The following OASL variants were observed in gnomAD, a reference collection of about 807,000 sequenced individuals.
OASL encodes 2'-5'-oligoadenylate synthase-like protein.
A neutral mutation model predicts 35.3 loss-of-function variants in OASL; 28 were observed. That is an observed-to-expected ratio of 0.79 (90% confidence interval 0.59 to 1.09). OASL has a LOEUF of 1.09. Among genes scored for constraint, OASL ranks in the 50% least tolerant of loss-of-function variants. OASL has a pLI of 0.00. For missense variants in OASL, 620 were observed against 635.2 expected (o/e 0.98, Z 0.26); for synonymous variants, 252 against 254.6 (o/e 0.99, Z 0.10).
chr12:121,037,819 T>TG (rs1870016057), intron 1 of OASL, among the ~76,000 whole-genome samples: 1 of 135,980 alleles, frequency 7.4e-6, no homozygotes, highest in Non-Finnish European at 1.6e-5. Flanking sequence ...CGGCCAGACA[T>TG]GGTGGCTCAC....
intron 1 of OASL, among the ~76,000 whole-genome samples, chr12:121,037,980 C>G (rs1226704290): frequency 6.6e-6 from 1 of 150,726 alleles, no homozygotes; most frequent in African/African-American, 2.4e-5. Context: ...TAATCCCAAG[C>G]TATTTAGGAG....
At chr12:121,025,971 G>A (rs909750806) in intron 4 of OASL, among the ~76,000 whole-genome samples, 1 of 152,084 alleles carries the variant, frequency 6.6e-6, no homozygotes, top group African/African-American at 2.4e-5. Context: ...CCTATGGGGT[G>A]GGGTCACTGA....
At position 121,031,428 on chromosome 12, in the gene OASL, G is replaced by T; in HGVS notation, c.657+14C>A. 6.2e-7 allele frequency: 1 copy of T among 1,610,832 alleles called. No individual in the cohort carries two copies. The highest frequency in any genetic ancestry group is 1.1e-5 in the South Asian group (1 of 90,970). On this transcript the variant is annotated intron_variant, in intron 3 of 5. Transcript: ENST00000257570. ...TCCCTCTCCTTGCCCCTGCCATCCT[G>T]GCAGCCCCCTCACCTGCTGGTACCA...
rs568021090 is a variant in OASL, at chr12:121,031,766, T to G, written c.482-149A>C. On this transcript the variant is annotated intron_variant, in intron 2 of 5. Transcript: ENST00000257570. ...TATCTTCAGAAACCAAAGGTTTGCC[T>G]TGTCTAATTGTCCTTTTTGTGAAAT... 6.4e-6 allele frequency: 4 copies of G among 626,648 alleles called. No individual in the cohort carries two copies. The Admixed American group carries it at 1.2e-4, about 18-fold the overall frequency. 38.8% of individuals were successfully genotyped at this position (626,648 alleles called of 1,614,324 possible).
At chr12:121,020,449 G>A (rs1232130722) in exon 6 of OASL, 3 of 1,174,484 alleles carry the variant, frequency 2.6e-6, no homozygotes, top group East Asian at 2.4e-5. Context: ...ATAACTCATT[G>A]TAAAACTGGT....
intron 3 of OASL, among the ~76,000 whole-genome samples, chr12:121,028,310 C>T (rs1288108167): frequency 6.6e-6 from 1 of 152,152 alleles, no homozygotes; most frequent in Non-Finnish European, 1.5e-5. Context: ...GACCCCCACC[C>T]GCAGCTCCAG....
intron 5 of OASL, among the ~76,000 whole-genome samples, chr12:121,023,442 C>G (rs1012689482): frequency 2.0e-5 from 3 of 151,858 alleles, no homozygotes; most frequent in African/African-American, 7.3e-5. Context: ...GCACCTGCCA[C>G]CACGCCCGCC....
chr12:121,035,552 C>A (rs138033298), intron 1 of OASL, among the ~76,000 whole-genome samples: 320 of 77,836 alleles, frequency 4.1e-3, no homozygotes, highest in African/African-American at 0.015. Context: ...AAAAAAAACG[C>A]CTTCACTTCC....
intron 1 of OASL, among the ~76,000 whole-genome samples, chr12:121,038,241 G>A (rs1307069658): frequency 1.3e-5 from 2 of 152,112 alleles, no homozygotes; most frequent in Non-Finnish European, 2.9e-5. Context: ...TAAATTATAG[G>A]CACCAAGGAA....
rs774225378 is a variant in OASL at position 121,020,877 on chromosome 12, C to G, written c.1229G>C (p.Arg410Thr). ...GATCCCATATTTGGCTAAGGAGCAC[C>G]TGCTGCTGAGAAGCTGCCTCTCACT... The change falls in exon 6 of 6, where the codon AGG becomes ACG. Residue 410 changes from arginine (R) to threonine (T), a missense_variant. Physicochemically the swap from Arg to Thr is moderately conservative, Grantham distance 71 (BLOSUM62 -1). Transcript: ENST00000257570. 5.6e-6 allele frequency: 9 copies of G among 1,614,082 alleles called. No individual in the cohort carries two copies. In the African/African-American group the frequency reaches 1.2e-4, roughly 22 times the overall value.
chr12:121,021,140 T>A (rs1030985799), intron 5 of OASL, 82 bp from the exon 6 acceptor site: 4 of 1,396,386 alleles, frequency 2.9e-6, no homozygotes. Context: ...TCTGTCCTTA[T>A]CTTTACAATA....
At position 121,021,548 on chromosome 12, in the gene OASL, C is replaced by T. The variant is rs139868663; in HGVS notation, c.1048-490G>A. On this transcript the variant is annotated intron_variant, in intron 5 of 5. Transcript: ENST00000257570. ...AGCCTTGGCTGGGTGCAGTGGCTCACGCCTGTATTCCCAGCACTTTGGGAG... is the reference window on the plus strand; with the variant it reads ...AGCCTTGGCTGGGTGCAGTGGCTCATGCCTGTATTCCCAGCACTTTGGGAG... 9.0e-3 allele frequency among the ~76,000 whole-genome samples: 1,367 copies of T among 152,332 alleles called. 8 individuals are homozygous for T. The highest frequency in any genetic ancestry group is 0.017 in the Middle Eastern group (5 of 294).
chr12:121,035,541 A>AAACAAC (rs1555216051), intron 1 of OASL, among the ~76,000 whole-genome samples: 190 of 124,230 alleles, frequency 1.5e-3, no homozygotes, highest in Non-Finnish European at 2.8e-3. Flanking sequence ...ACAAAACAAC[A>AAACAAC]AAAAAAAACG....
chr12:121,026,830 T>C lies in OASL; in HGVS notation c.899+746A>G, dbSNP rs904980588. Among the ~76,000 whole-genome samples the C allele has an allele frequency of 8.0e-5, 12 of 150,078 alleles. 1 individual carries two copies. In the East Asian group the frequency reaches 1.2e-3, roughly 15 times the overall value. ...TTGCGCCACTGCACTCCACCCTGGG[T>C]GACAGAGCAAAACTCTGTCTTAAAA... is the stretch of plus-strand genomic sequence containing the variant. On this transcript the variant is annotated intron_variant, in intron 4 of 5. Coordinates refer to ENST00000257570, the Ensembl canonical transcript of OASL.
At chr12:121,025,692 G>A (rs1046922407) in intron 4 of OASL, among the ~76,000 whole-genome samples, 1 of 151,698 alleles carries the variant, frequency 6.6e-6, no homozygotes. Context: ...AACCCAGGAG[G>A]TGGTGGTTGC....
At chr12:121,031,421 C>A in intron 3 of OASL, 21 bp downstream of exon 3, 1 of 1,609,442 alleles carries the variant, frequency 6.2e-7, no homozygotes, top group Non-Finnish European at 8.5e-7. Context: ...CTTGCCCCTG[C>A]CATCCTGGCA....
rs10577200 is a variant in OASL, at chr12:121,029,064, G to GAA, written c.658-1249_658-1248dup. On this transcript the variant is annotated intron_variant, in intron 3 of 5. Coordinates refer to ENST00000257570, the Ensembl canonical transcript of OASL. ...TGGGCAAGAGTGAGAACTTGTCTCA[G>GAA]AAAAAAAAAAAAAAAAAAAAAAAGA... is the stretch of plus-strand genomic sequence containing the variant. Among the ~76,000 whole-genome samples the GAA allele has an allele frequency of 5.2e-3, 550 of 104,932 alleles. 3 individuals are homozygous for GAA. Among genetic ancestry groups the GAA allele is most frequent in the Non-Finnish European group, 7.0e-3 (375 of 53,492 alleles). The allele number at this position is 104,932 out of a possible 152,430, so 68.8% of individuals were successfully genotyped here.
rs373280730 is a variant in OASL, at chr12:121,024,073, C to T, written c.964G>A (p.Val322Ile). The T allele has an allele frequency of 5.5e-5, 89 of 1,614,020 alleles. No individual in the cohort carries two copies. The highest frequency in any genetic ancestry group is 5.8e-5 in the Non-Finnish European group (68 of 1,180,034). ...AGGCACTGGGAGGCCCTCTGAGCAACGATGTCCCATCTGTACCCTTCTGCC... is the reference window on the plus strand; with the variant it reads ...AGGCACTGGGAGGCCCTCTGAGCAATGATGTCCCATCTGTACCCTTCTGCC... Residue 322 changes from valine (V) to isoleucine (I), a missense_variant, in exon 5 of 6, where the codon GTT becomes ATT. Transcript: ENST00000257570.
chr12:121,039,053 G>T, exon 1 of OASL: 1 of 1,186,874 alleles, frequency 8.4e-7, no homozygotes, highest in Non-Finnish European at 1.2e-6. Flanking sequence ...CCTTTTTTAA[G>T]GTAGCTCCTC....
Sources: allele counts gnomAD v4.1 joint callset (sites outside exome capture counted in the v4.1 genomes callset), GRCh38; gene constraint gnomAD v4.1.1; transcripts MANE v1.5; gene names NCBI Gene and HGNC (gene_info 2026-07-23, HGNC 2026-07-21).